CACNA2D1: variants seen among roughly 807,000 people sequenced by gnomAD.
The protein encoded by CACNA2D1 is calcium voltage-gated channel auxiliary subunit alpha2delta 1, also known as voltage-dependent calcium channel subunit alpha-2/delta-1.
In CACNA2D1, 53 loss-of-function variants were observed where a neutral mutation model predicts 171.5. The ratio of observed to expected loss-of-function variants is 0.31; its 90% CI spans 0.25 to 0.39. The LOEUF is 0.39. CACNA2D1 is among the 10% of genes least tolerant of loss of function. The probability of loss-of-function intolerance (pLI) is 1.00; values close to 1 mark genes in which losing one functional copy is unlikely to be tolerated. For synonymous variants in CACNA2D1, 442 were observed against 443.1 expected (o/e 1.00, Z 0.03); for missense variants, 903 against 1,299.8 (o/e 0.69, Z 4.69).
chr7:81,996,631 A>G lies in CACNA2D1; in HGVS notation c.1662+548T>C, dbSNP rs374481674. Reference sequence around the variant, plus strand: ...AGCCTCTTGAGAATCCATGACTAACATATATCATATAATGTTATTTATTAT... The same window carrying G: ...AGCCTCTTGAGAATCCATGACTAACGTATATCATATAATGTTATTTATTAT... On this transcript the variant is annotated intron_variant, in intron 19 of 38. Transcript: ENST00000356860. 2.3e-4 allele frequency among the ~76,000 whole-genome samples: 35 copies of G among 149,238 alleles called. No homozygotes were observed. The Middle Eastern group carries it at 0.011, about 46-fold the overall frequency.
intron 4 of CACNA2D1, among the ~76,000 whole-genome samples, chr7:82,156,004 A>G (rs190249600): frequency 2.2e-3 from 332 of 152,294 alleles, no homozygotes; most frequent in African/African-American, 7.7e-3. Context: ...AATTCTTGTA[A>G]CACTCAATTT....
chr7:81,955,774 C>G (rs971262916), intron 38 of CACNA2D1, among the ~76,000 whole-genome samples: 1 of 151,090 alleles, frequency 6.6e-6, no homozygotes, highest in Non-Finnish European at 1.5e-5. Context: ...TTTATGCAAA[C>G]ACAATTTATA....
At position 81,977,052 on chromosome 7, in the gene CACNA2D1, T is replaced by C. The variant is rs1032398065; in HGVS notation, c.1956-2500A>G. ...TTTGAATACCCTTTATTTCTTTCTC[T>C]TGCCTGATTGCCCTGGCCAGAACTT... On this transcript the variant is annotated intron_variant, in intron 24 of 38. Transcript: ENST00000356860. Among the ~76,000 whole-genome samples the C allele has an allele frequency of 3.3e-5, 5 of 152,240 alleles. No individual in the cohort carries two copies. The East Asian group carries it at 5.8e-4, about 18-fold the overall frequency.
chr7:82,147,463 T>G (rs746871279), intron 4 of CACNA2D1, among the ~76,000 whole-genome samples: 1 of 152,190 alleles, frequency 6.6e-6, no homozygotes, highest in Non-Finnish European at 1.5e-5. Context: ...CATAATGCTG[T>G]GGAACTTGCT....
rs71093370 is a variant in CACNA2D1 at position 82,232,861 on chromosome 7, C to CAAAA, written c.295-62256_295-62253dup. On this transcript the variant is annotated intron_variant, in intron 3 of 38. Transcript: ENST00000356860. Reference sequence around the variant, plus strand: ...CCTGGGCAACAGAGCGAGATGTCTCCAAAAAAAAAAAAAAAAAAAAAAAAA... The same window carrying CAAAA: ...CCTGGGCAACAGAGCGAGATGTCTCCAAAAAAAAAAAAAAAAAAAAAAAAAAAAA... Among the ~76,000 whole-genome samples the CAAAA allele has an allele frequency of 1.9e-3, 98 of 52,452 alleles. 5 individuals carry two copies. The highest frequency in any genetic ancestry group is 4.3e-3 in the African/African-American group (66 of 15,198). 34.4% of individuals were successfully genotyped at this position (52,452 alleles called of 152,430 possible).
intron 24 of CACNA2D1, among the ~76,000 whole-genome samples, chr7:81,980,687 G>A (rs555825456): frequency 6.6e-6 from 1 of 152,266 alleles, no homozygotes; most frequent in Admixed American, 6.5e-5. Flanking sequence ...TCAAGTAAGA[G>A]GCAAATGTAG....
chr7:82,300,127 G>A (rs941480059), intron 3 of CACNA2D1, among the ~76,000 whole-genome samples: 16 of 152,014 alleles, frequency 1.1e-4, no homozygotes, highest in African/African-American at 3.4e-4. Flanking sequence ...CGTCAAGCAG[G>A]CTATTTTGAT....
intron 6 of CACNA2D1, among the ~76,000 whole-genome samples, chr7:82,100,579 C>A (rs1202559704): frequency 1.1e-4 from 16 of 152,232 alleles, no homozygotes; most frequent in African/African-American, 3.6e-4. Flanking sequence ...TACAGACTAT[C>A]AAAGTGTACT....
At chr7:82,033,804 G>C (rs930815135) in intron 11 of CACNA2D1, among the ~76,000 whole-genome samples, 4 of 152,008 alleles carry the variant, frequency 2.6e-5, no homozygotes, top group African/African-American at 9.7e-5. Context: ...ACTTCTCCGA[G>C]GTCCAAAATT....
At chr7:82,093,602 A>G (rs1424969666) in intron 6 of CACNA2D1, among the ~76,000 whole-genome samples, 1 of 152,164 alleles carries the variant, frequency 6.6e-6, no homozygotes, top group African/African-American at 2.4e-5. Flanking sequence ...AGACAATGGC[A>G]AACTGAAAAA....
intron 6 of CACNA2D1, among the ~76,000 whole-genome samples, chr7:82,113,272 T>C (rs914864433): frequency 2.6e-5 from 4 of 152,154 alleles, no homozygotes; most frequent in African/African-American, 9.6e-5. Flanking sequence ...CAGCCCTACA[T>C]TGAGTCTAAA....
At chr7:82,398,519 G>A (rs1470496599) in intron 1 of CACNA2D1, among the ~76,000 whole-genome samples, 1 of 151,666 alleles carries the variant, frequency 6.6e-6, no homozygotes, top group Non-Finnish European at 1.5e-5. Flanking sequence ...TCAGTTTACA[G>A]ATGCTTTGTT....
intron 1 of CACNA2D1, among the ~76,000 whole-genome samples, chr7:82,383,737 G>A (rs532610305): frequency 6.6e-6 from 1 of 152,254 alleles, no homozygotes; most frequent in South Asian, 2.1e-4. Flanking sequence ...TTATCACTTT[G>A]CCTACATTCT....
At chr7:82,297,000 G>A (rs923643739) in intron 3 of CACNA2D1, among the ~76,000 whole-genome samples, 7 of 148,818 alleles carry the variant, frequency 4.7e-5, no homozygotes, top group South Asian at 2.1e-4. Flanking sequence ...TATGGGAGGC[G>A]GAGGTGGGAA....
intron 3 of CACNA2D1, among the ~76,000 whole-genome samples, chr7:82,182,397 TA>T (rs1013226444): frequency 1.3e-5 from 2 of 152,166 alleles, no homozygotes; most frequent in Non-Finnish European, 2.9e-5. Context: ...TACAAAAGTC[TA>T]CAAATATATC....
At chr7:82,198,323 GAATT>G (rs1160052040) in intron 3 of CACNA2D1, among the ~76,000 whole-genome samples, 1 of 152,114 alleles carries the variant, frequency 6.6e-6, no homozygotes, top group Non-Finnish European at 1.5e-5. Flanking sequence ...GGCTTGGCTA[GAATT>G]AATCTGTGCT....
chr7:82,083,402 T>C (rs1447422291), intron 7 of CACNA2D1, among the ~76,000 whole-genome samples: 1 of 151,838 alleles, frequency 6.6e-6, no homozygotes, highest in African/African-American at 2.4e-5. Flanking sequence ...GCATGAGCAG[T>C]GTTGTCTTTT....
chr7:82,145,218 T>TA (rs1792840622), intron 4 of CACNA2D1, among the ~76,000 whole-genome samples: 5 of 146,388 alleles, frequency 3.4e-5, no homozygotes, highest in Admixed American at 6.9e-5. Context: ...ACAGTGAATT[T>TA]TATATATATA....
At chr7:82,092,998 G>T (rs959361780) in intron 6 of CACNA2D1, among the ~76,000 whole-genome samples, 8 of 150,840 alleles carry the variant, frequency 5.3e-5, no homozygotes, top group South Asian at 4.2e-4. Flanking sequence ...AAAGTGTGTG[G>T]TTTTTTTTTG....
Sources: gnomAD v4.1 joint callset for allele counts (sites outside exome capture counted in the v4.1 genomes callset) on GRCh38, gnomAD v4.1.1 for gene constraint, MANE v1.5 for transcripts, NCBI Gene and HGNC (gene_info 2026-07-23, HGNC 2026-07-21) for gene names.